The following CNTLN variants were observed in gnomAD, a reference collection of about 807,000 sequenced individuals.
CNTLN encodes centlein, centrosomal protein.
CNTLN carries 212 observed loss-of-function variants against 180.0 expected under a neutral mutation model. The observed-to-expected ratio is 1.18, with a 90% CI of 1.05 to 1.32. The LOEUF (loss-of-function observed/expected upper bound fraction) is 1.32, where lower values mean the gene tolerates loss of function less well. Among genes scored for constraint, CNTLN ranks in the 40% most tolerant of loss-of-function variants. The pLI, the probability that CNTLN is intolerant of heterozygous loss-of-function variation, is 0.00. For missense variants in CNTLN, 2,095 were observed against 1,610.9 expected (o/e 1.30, Z -5.14); for synonymous variants, 722 against 563.1 (o/e 1.28, Z -3.99).
intron 2 of CNTLN, among the ~76,000 whole-genome samples, chr9:17,204,981 A>G (rs1454603866): frequency 1.3e-5 from 2 of 152,072 alleles, no homozygotes; most frequent in African/African-American, 4.8e-5. Flanking sequence ...CCTCCTTAGC[A>G]CTGTCAGGGA....
chr9:17,420,212 G>A (rs895065591), intron 18 of CNTLN, among the ~76,000 whole-genome samples: 7 of 152,136 alleles, frequency 4.6e-5, no homozygotes, highest in African/African-American at 1.7e-4. Context: ...TTCTTTGCTG[G>A]GAGACTTTTT....
chr9:17,484,476 A>C lies in CNTLN; in HGVS notation c.4037A>C (p.Gln1346Pro). ...DLEEILDTED[Q>P]VEIEKTKIDA... The stretch of plus-strand genomic sequence containing the variant: ...GAGGAAATATTAGACACAGAAGATC[A>C]AGTGGTAAGATCATTTAAATATTTA... The change falls in exon 24 of 26, where the codon CAA becomes CCA. Residue 1346 changes from glutamine to proline, a missense_variant. Coordinates refer to ENST00000380647, the MANE Select transcript of CNTLN (RefSeq NM_017738.4). The C allele has an allele frequency of 6.3e-7, 1 of 1,591,232 alleles. No individual in the cohort carries two copies. Among genetic ancestry groups the C allele is most frequent in the Non-Finnish European group, 8.5e-7 (1 of 1,173,122 alleles).
rs941546695 is a variant in CNTLN, at chr9:17,308,063, A to C, written c.1147-995A>C. Among the ~76,000 whole-genome samples, 13 of 152,036 alleles carry C rather than the reference A, an allele frequency of 8.6e-5. No individual in the cohort carries two copies. In the East Asian group the frequency reaches 1.4e-3, roughly 16 times the overall value. ...TTTCTAGTGTCAGCCACAGATATAC[A>C]TACAGATTATGTATGTAAATCAACT... On this transcript the variant is annotated intron_variant, in intron 7 of 25. Transcript: ENST00000380647.
intron 18 of CNTLN, among the ~76,000 whole-genome samples, chr9:17,437,959 T>A (rs1358850587): frequency 6.6e-6 from 1 of 152,176 alleles, no homozygotes; most frequent in African/African-American, 2.4e-5. Context: ...TTGGAAGTTG[T>A]GTGCATTGAA....
In CNTLN at chr9:17,271,041, T is replaced by C. The variant is rs527943282; in HGVS notation, c.850-2692T>C. ...TCTTGGCTCACTGCAATCTCAGCCTTCCGGGTTCACACCATTCTCCTGCCT... is the reference window on the plus strand; with the variant it reads ...TCTTGGCTCACTGCAATCTCAGCCTCCCGGGTTCACACCATTCTCCTGCCT... On this transcript the variant is annotated intron_variant, in intron 5 of 25. Coordinates refer to ENST00000380647, the MANE Select transcript of CNTLN (RefSeq NM_017738.4). 1.6e-3 allele frequency among the ~76,000 whole-genome samples: 233 copies of C among 148,766 alleles called. 1 individual carries two copies. The highest frequency in any genetic ancestry group is 5.6e-3 in the African/African-American group (224 of 40,034).
chr9:17,363,693 C>A (rs142102815), intron 12 of CNTLN, among the ~76,000 whole-genome samples: 1 of 151,908 alleles, frequency 6.6e-6, no homozygotes, highest in Non-Finnish European at 1.5e-5. Context: ...GATCCAATAT[C>A]GTTTTGTTGT....
chr9:17,325,861 A>G (rs1306547580), intron 8 of CNTLN, among the ~76,000 whole-genome samples: 2 of 152,058 alleles, frequency 1.3e-5, no homozygotes, highest in Non-Finnish European at 1.5e-5. Flanking sequence ...TTGCTAATAA[A>G]ACAATTTAAG....
At chr9:17,366,045 A>G (rs1823791461) in intron 12 of CNTLN, among the ~76,000 whole-genome samples, 1 of 152,368 alleles carries the variant, frequency 6.6e-6, no homozygotes, top group East Asian at 1.9e-4. Context: ...TAAAGTTAAC[A>G]GAAATAACTT....
intron 8 of CNTLN, among the ~76,000 whole-genome samples, chr9:17,314,998 T>G (rs1413600564): frequency 6.6e-6 from 1 of 152,220 alleles, no homozygotes; most frequent in Non-Finnish European, 1.5e-5. Context: ...GTCTTGCATT[T>G]TAATTATACA....
intron 5 of CNTLN, among the ~76,000 whole-genome samples, chr9:17,252,899 G>T (rs1309708249): frequency 3.3e-5 from 5 of 151,500 alleles, no homozygotes; most frequent in Non-Finnish European, 7.4e-5. Context: ...CTGTTTCCAT[G>T]TATTACAATT....
intron 4 of CNTLN, 66 bp downstream of exon 4, chr9:17,235,858 C>G (rs1050798750): frequency 2.7e-5 from 41 of 1,504,140 alleles, no homozygotes; most frequent in Non-Finnish European, 3.6e-5. Context: ...GCTTTGTTAG[C>G]CTTTGTGGCA....
chr9:17,304,461 T>C (rs1213050418), intron 7 of CNTLN, among the ~76,000 whole-genome samples: 1 of 152,178 alleles, frequency 6.6e-6, no homozygotes, highest in Non-Finnish European at 1.5e-5. Flanking sequence ...CTAACATGTA[T>C]TTTATAACTT....
At chr9:17,170,474 C>T (rs1820352122) in intron 2 of CNTLN, among the ~76,000 whole-genome samples, 1 of 151,990 alleles carries the variant, frequency 6.6e-6, no homozygotes, top group African/African-American at 2.4e-5. Flanking sequence ...TCCCTAAGTA[C>T]TGTAGTCTTT....
chr9:17,321,104 C>G (rs1369560655), intron 8 of CNTLN, among the ~76,000 whole-genome samples: 1 of 151,968 alleles, frequency 6.6e-6, no homozygotes, highest in Non-Finnish European at 1.5e-5. Flanking sequence ...ATGTAGTTTT[C>G]TTTTGTAAAT....
chr9:17,150,534 G>A (rs1326684982), intron 2 of CNTLN, among the ~76,000 whole-genome samples: 1 of 152,202 alleles, frequency 6.6e-6, no homozygotes, highest in Non-Finnish European at 1.5e-5. Flanking sequence ...ACCAGTACAT[G>A]CTGTTTTGGT....
intron 5 of CNTLN, among the ~76,000 whole-genome samples, chr9:17,268,107 G>T (rs544741211): frequency 1.3e-5 from 2 of 152,254 alleles, no homozygotes; most frequent in South Asian, 4.2e-4. Context: ...AGGAGGAGAG[G>T]TGCTCTGGTT....
chr9:17,377,699 C>T (rs1272689092), intron 13 of CNTLN, among the ~76,000 whole-genome samples: 1 of 152,086 alleles, frequency 6.6e-6, no homozygotes, highest in East Asian at 1.9e-4. Context: ...GGGTTACACC[C>T]TTTTTTCCTC....
At chr9:17,497,821 T>G (rs568137400) in intron 25 of CNTLN, among the ~76,000 whole-genome samples, 6 of 152,202 alleles carry the variant, frequency 3.9e-5, no homozygotes, top group Non-Finnish European at 7.3e-5. Flanking sequence ...TTTAACAAGT[T>G]CAGTCTTTAA....
chr9:17,393,640 A>T (rs764413147), intron 14 of CNTLN, among the ~76,000 whole-genome samples: 1 of 152,144 alleles, frequency 6.6e-6, no homozygotes, highest in Non-Finnish European at 1.5e-5. Context: ...TCACGTTTTG[A>T]GATGGTCAGA....
Sources: gnomAD v4.1 joint callset for allele counts (sites outside exome capture counted in the v4.1 genomes callset) on GRCh38, gnomAD v4.1.1 for gene constraint, MANE v1.5 for transcripts, NCBI Gene and HGNC (gene_info 2026-07-23, HGNC 2026-07-21) for gene names.